Variants in METTL15 observed in about 807,000 individuals in gnomAD.
METTL15 encodes the protein 12S rRNA N(4)-cytidine methyltransferase METTL15.
A neutral mutation model predicts 38.3 loss-of-function variants in METTL15; 34 were observed. The ratio of observed to expected loss-of-function variants is 0.89; its 90% CI spans 0.68 to 1.18. The LOEUF is 1.18. METTL15 is among the 50% of genes most tolerant of loss of function. The pLI is 0.00. For missense variants in METTL15, 438 were observed against 498.4 expected (o/e 0.88, Z 1.15); for synonymous variants, 162 against 170.9 (o/e 0.95, Z 0.41).
intron 4 of METTL15, among the ~76,000 whole-genome samples, chr11:28,257,335 G>A (rs982210818): frequency 1.3e-5 from 2 of 151,980 alleles, no homozygotes; most frequent in African/African-American, 4.8e-5. Context: ...TTTGTCCTTT[G>A]GGAGTCTGAT....
At chr11:28,235,971 G>A (rs980117031) in intron 4 of METTL15, among the ~76,000 whole-genome samples, 6 of 151,288 alleles carry the variant, frequency 4.0e-5, no homozygotes, top group Admixed American at 6.6e-5. Flanking sequence ...ATTATTTTGA[G>A]ATACGTCCCA....
At chr11:28,363,920 CCA>C (rs1695654695) in intron 5 of METTL15, among the ~76,000 whole-genome samples, 1 of 152,182 alleles carries the variant, frequency 6.6e-6, no homozygotes, top group African/African-American at 2.4e-5. Flanking sequence ...TATCCCAGCA[CCA>C]TTTATTGAAT....
chr11:28,407,202 A>T (rs1345417687), intron 5 of METTL15, among the ~76,000 whole-genome samples: 1 of 152,162 alleles, frequency 6.6e-6, no homozygotes, highest in Non-Finnish European at 1.5e-5. Flanking sequence ...AAAACCCAAA[A>T]CTGTAAAAAC....
At chr11:28,251,171 G>A (rs1345611256) in intron 4 of METTL15, among the ~76,000 whole-genome samples, 1 of 151,912 alleles carries the variant, frequency 6.6e-6, no homozygotes. Context: ...TTGAAGAGAT[G>A]GCAAAATTAC....
At chr11:28,480,402 A>T (rs1851385301) in intron 6 of METTL15, among the ~76,000 whole-genome samples, 1 of 152,196 alleles carries the variant, frequency 6.6e-6, no homozygotes, top group South Asian at 2.1e-4. Context: ...AAATAATCTT[A>T]AGAGCATGTA....
chr11:28,364,145 G>A (rs191410638), intron 5 of METTL15, among the ~76,000 whole-genome samples: 91 of 152,188 alleles, frequency 6.0e-4, no homozygotes, highest in African/African-American at 2.0e-3. Context: ...TTTTGCTTAC[G>A]ATTGCTTTGG....
chr11:28,213,287 A>G (rs543001800), intron 4 of METTL15, among the ~76,000 whole-genome samples: 46 of 152,148 alleles, frequency 3.0e-4, no homozygotes, highest in Admixed American at 1.7e-3. Flanking sequence ...ATAAACAAAA[A>G]AAGAAGAAAA....
At chr11:28,275,199 C>T (rs1855796204) in intron 4 of METTL15, among the ~76,000 whole-genome samples, 1 of 150,546 alleles carries the variant, frequency 6.6e-6, no homozygotes, top group African/African-American at 2.4e-5. Context: ...AAAATATAAA[C>T]AAAATTGATA....
chr11:28,370,113 A>G (rs961676310), intron 5 of METTL15, among the ~76,000 whole-genome samples: 20 of 152,072 alleles, frequency 1.3e-4, no homozygotes, highest in Non-Finnish European at 2.6e-4. Flanking sequence ...AATATAGAAT[A>G]AGTTACTGTA....
At chr11:28,233,794 A>G (rs1387654180) in intron 4 of METTL15, among the ~76,000 whole-genome samples, 1 of 151,580 alleles carries the variant, frequency 6.6e-6, no homozygotes, top group East Asian at 1.9e-4. Flanking sequence ...CTCTGACTCC[A>G]TTCTTTCTTT....
chr11:28,442,458 T>C (rs182325561), intron 6 of METTL15, among the ~76,000 whole-genome samples: 119 of 152,264 alleles, frequency 7.8e-4, no homozygotes, highest in Non-Finnish European at 1.4e-3. Context: ...CTCAAGACCA[T>C]GAGTGGCATA....
rs183636448 is a variant in METTL15, at chr11:28,339,961, G to A, written c.*190-12129G>A. 1.6e-3 allele frequency among the ~76,000 whole-genome samples: 239 copies of A among 152,112 alleles called. 1 individual carries two copies. The highest frequency in any genetic ancestry group is 5.2e-3 in the African/African-American group (216 of 41,512). ...TGGTAAAAAGAACTGTGATAAGCTC[G>A]GAATCCATGTAAATACAGAACTAAG... On this transcript the variant is annotated intron_variant and NMD_transcript_variant, in intron 3 of 7. Transcript: ENST00000532947.
Position 28,290,398 on chromosome 11 carries a change from G to C in METTL15, c.599+1G>C. On this transcript the variant is annotated splice_donor_variant, in intron 5 of 6. Transcript: ENST00000407364. LOFTEE classifies it high-confidence loss of function. ...TGGACATGAGAATGGATGGTGGCAG[G>C]TGAGTATTCATAAAGCATTTCATCT... The C allele has an allele frequency of 6.2e-7, 1 of 1,604,226 alleles. No homozygotes were observed. Among genetic ancestry groups the C allele is most frequent in the Non-Finnish European group, 8.5e-7 (1 of 1,174,438 alleles).
At chr11:28,328,405 A>T (rs917968354) in intron 6 of METTL15, among the ~76,000 whole-genome samples, 8 of 152,152 alleles carry the variant, frequency 5.3e-5, no homozygotes, top group Non-Finnish European at 1.0e-4. Flanking sequence ...AAGAATATTA[A>T]TCTGCTATGC....
At chr11:28,364,882 A>G (rs1850171432) in intron 5 of METTL15, among the ~76,000 whole-genome samples, 1 of 152,176 alleles carries the variant, frequency 6.6e-6, no homozygotes, top group Admixed American at 6.5e-5. Flanking sequence ...AGTTTTGATC[A>G]TGAAGGAAAG....
intron 5 of METTL15, among the ~76,000 whole-genome samples, chr11:28,367,858 T>C (rs1850201728): frequency 6.6e-6 from 1 of 152,132 alleles, no homozygotes; most frequent in African/African-American, 2.4e-5. Context: ...AGATTCACTA[T>C]TTAATAAATG....
chr11:28,492,356 C>T (rs1345138510), intron 6 of METTL15, among the ~76,000 whole-genome samples: 1 of 152,036 alleles, frequency 6.6e-6, no homozygotes, highest in Non-Finnish European at 1.5e-5. Context: ...TCTTTTACTG[C>T]TGTTGAAATG....
At chr11:28,500,031 C>T (rs11030353) in intron 6 of METTL15, among the ~76,000 whole-genome samples, 2,631 of 148,140 alleles carry the variant, frequency 0.018, 49 homozygotes, top group African/African-American at 0.052. Context: ...TTGTCTGTGG[C>T]AAATCCATAA....
downstream of METTL15, among the ~76,000 whole-genome samples, chr11:28,335,386 C>A (rs564254357): frequency 1.4e-3 from 206 of 152,246 alleles, no homozygotes; most frequent in African/African-American, 4.9e-3. Flanking sequence ...TATTTAATCT[C>A]TTGAATTCTC....
Sources: gnomAD v4.1 joint callset for allele counts (sites outside exome capture counted in the v4.1 genomes callset) on GRCh38, gnomAD v4.1.1 for gene constraint, MANE v1.5 for transcripts, NCBI Gene and HGNC (gene_info 2026-07-23, HGNC 2026-07-21) for gene names.